The following PDHA2 variants were observed in gnomAD, a reference collection of about 807,000 sequenced individuals.
The protein encoded by PDHA2 is pyruvate dehydrogenase E1 component subunit alpha, testis-specific form, mitochondrial.
For synonymous variants in PDHA2, 188 were observed against 185.9 expected (o/e 1.01, Z -0.09); for missense variants, 533 against 495.8 (o/e 1.07, Z -0.71).
At position 95,841,144 on chromosome 4, in the gene PDHA2, G is replaced by A. The variant is rs375558920; in HGVS notation, c.994G>A (p.Glu332Lys). ...MVNSKLATVE[E>K]LKEIGAEVRK... is the part of the protein sequence containing the mutation. ...AAACAGCAAGCTCGCCACTGTGGAA[G>A]AATTAAAGGAAATTGGGGCTGAGGT... The change falls in exon 1 of 1, where the codon GAA (glutamate) becomes AAA (lysine). Residue 332 changes from glutamate (E) to lysine (K), a missense_variant. Transcript: ENST00000295266. 4 of 1,614,054 alleles carry A rather than the reference G, an allele frequency of 2.5e-6. No individual in the cohort carries two copies. The highest frequency in any genetic ancestry group is 1.7e-5 in the Admixed American group (1 of 60,006).
Position 95,840,396 on chromosome 4 carries a change from G to A in PDHA2, c.246G>A (p.Gln82=), listed in dbSNP as rs151091131. The A allele has an allele frequency of 1.2e-6, 2 of 1,613,582 alleles. No individual in the cohort carries two copies. The highest frequency in any genetic ancestry group is 8.5e-7 in the Non-Finnish European group (1 of 1,179,888). The change falls in exon 1 of 1, where the codon CAG becomes CAA. Residue 82 remains glutamine, a synonymous_variant. Transcript: ENST00000295266. ...TGAAGGCAGATCAGCTGTACAAACA[G>A]AAATTCATTCGCGGTTTCTGTCACC... is the stretch of plus-strand genomic sequence containing the variant. The part of the protein sequence containing the change: ...MELKADQLYK[Q]KFIRGFCHLC...
In PDHA2 at chr4:95,840,094, G is replaced by A; in HGVS notation, c.-57G>A. On this transcript the variant is annotated 5_prime_UTR_variant, in exon 1 of 1. Coordinates refer to ENST00000295266, the MANE Select transcript of PDHA2 (RefSeq NM_005390.5). ...GGAAGGAGACGCGGAGCCGAGGCCA[G>A]GCCTTCCGGCGGTCGTTACGGGACG... is the stretch of plus-strand genomic sequence containing the variant. The A allele has an allele frequency of 6.9e-7, 1 of 1,456,154 alleles. No homozygotes were observed. Among genetic ancestry groups the A allele is most frequent in the Non-Finnish European group, 9.3e-7 (1 of 1,075,048 alleles). 90.2% of individuals were successfully genotyped at this position (1,456,154 alleles called of 1,614,324 possible). A position where few individuals can be genotyped will look rare whatever the true frequency, so the allele number is the denominator to read the frequency against.
In PDHA2 at chr4:95,841,316, A is replaced by G. The variant is rs1723514612; in HGVS notation, c.1166A>G (p.Ter389=). 3 of 1,610,766 alleles carry G rather than the reference A, an allele frequency of 1.9e-6. No homozygotes were observed. Among genetic ancestry groups the G allele is most frequent in the African/African-American group, 2.7e-5 (2 of 74,972 alleles). The change falls in exon 1 of 1, where the codon TAA becomes TGA. Residue 389 remains the stop codon, a stop_retained_variant. Coordinates refer to ENST00000295266, the MANE Select transcript of PDHA2 (RefSeq NM_005390.5). ...NPWIKFKSVS[*] is the part of the protein sequence containing the mutation. ...TGGATCAAGTTTAAGTCCGTCAGTT[A>G]AAGGGAGGCTACGTGTGAATTTATC...
At position 95,840,212 on chromosome 4, in the gene PDHA2, T is replaced by C; in HGVS notation, c.62T>C (p.Val21Ala). ...RRVAQKSARR[V>A]LVASRNSSND... ...GTTGCCCAGAAATCAGCTCGCAGAG[T>C]GCTGGTGGCATCCCGTAACTCCTCA... The change falls in exon 1 of 1, where the codon GTG (valine) becomes GCG (alanine). Residue 21 changes from valine to alanine, a missense_variant. Physicochemically the swap from Val to Ala is moderately conservative, Grantham distance 64. Transcript: ENST00000295266. The C allele has an allele frequency of 1.9e-6, 3 of 1,614,074 alleles. No individual in the cohort carries two copies. The highest frequency in any genetic ancestry group is 2.5e-6 in the Non-Finnish European group (3 of 1,180,020).
rs1346482353 is a variant in PDHA2 at position 95,840,427 on chromosome 4, G to A, written c.277G>A (p.Asp93Asn). The part of the protein sequence containing the change: ...KFIRGFCHLC[D>N]GQEACCVGLE... ...CATTCGCGGTTTCTGTCACCTGTGCGATGGTCAGGAAGCTTGTTGCGTGGG... is the reference window on the plus strand; with the variant it reads ...CATTCGCGGTTTCTGTCACCTGTGCAATGGTCAGGAAGCTTGTTGCGTGGG... The change falls in exon 1 of 1, where the codon GAT becomes AAT. Residue 93 changes from aspartate to asparagine, a missense_variant. Asp to Asn is a conservative substitution (Grantham distance 23, BLOSUM62 1). Coordinates refer to ENST00000295266, the MANE Select transcript of PDHA2 (RefSeq NM_005390.5). 3 of 1,614,082 alleles carry A rather than the reference G, an allele frequency of 1.9e-6. No individual in the cohort carries two copies. Among genetic ancestry groups the A allele is most frequent in the South Asian group, 1.1e-5 (1 of 91,090 alleles).
chr4:95,840,978 G>A lies in PDHA2; in HGVS notation c.828G>A (p.Gly276=). The change falls in exon 1 of 1, where the codon GGG becomes GGA. Residue 276 remains glycine (G), a synonymous_variant. Coordinates refer to ENST00000295266, the MANE Select transcript of PDHA2 (RefSeq NM_005390.5). ...FAANYCRSGK[G]PILMELQTYR... is the part of the protein sequence containing the mutation. ...CTAACTACTGTAGATCTGGAAAGGG[G>A]CCCATACTGATGGAGCTGCAAACCT... 1.2e-6 allele frequency: 2 copies of A among 1,614,062 alleles called. No homozygotes were observed. The highest frequency in any genetic ancestry group is 8.5e-7 in the Non-Finnish European group (1 of 1,180,014).
At position 95,840,333 on chromosome 4, in the gene PDHA2, A is replaced by C. The variant is rs1320967424; in HGVS notation, c.183A>C (p.Lys61Asn). The C allele has an allele frequency of 6.2e-7, 1 of 1,614,242 alleles. No homozygotes were observed. The highest frequency in any genetic ancestry group is 1.3e-5 in the African/African-American group (1 of 75,072). Residue 61 changes from lysine to asparagine, a missense_variant, in exon 1 of 1, where the codon AAA becomes AAC. Coordinates refer to ENST00000295266, the MANE Select transcript of PDHA2 (RefSeq NM_005390.5). ...TGCTCACTAGGGCGGAGGGGCTTAA[A>C]TACTACAGGATGATGCTGACTGTTC... ...TTVLTRAEGL[K>N]YYRMMLTVRR... is the part of the protein sequence containing the mutation.
In PDHA2 at chr4:95,841,014, T is replaced by C. The variant is rs1179810535; in HGVS notation, c.864T>C (p.His288=). The part of the protein sequence containing the change: ...ILMELQTYRY[H]GHSMSDPGVS... ...TGGAGCTGCAAACCTACCGTTATCA[T>C]GGACACAGTATGAGTGATCCTGGAG... Residue 288 remains histidine (H), a synonymous_variant, in exon 1 of 1, where the codon CAT becomes CAC. Transcript: ENST00000295266. The C allele has an allele frequency of 6.2e-7, 1 of 1,614,134 alleles. No individual in the cohort carries two copies. Among genetic ancestry groups the C allele is most frequent in the South Asian group, 1.1e-5 (1 of 91,084 alleles).
At position 95,841,261 on chromosome 4, in the gene PDHA2, T is replaced by A. The variant is rs781633807; in HGVS notation, c.1111T>A (p.Ser371Thr). The part of the protein sequence containing the change: ...ELGHHIYSSD[S>T]SFEVRGANPW... ...AGGCCATCACATCTACAGCAGTGAT[T>A]CATCTTTTGAAGTTCGTGGTGCAAA... The change falls in exon 1 of 1, where the codon TCA becomes ACA. Residue 371 changes from serine to threonine, a missense_variant. Transcript: ENST00000295266. 18 of 1,614,034 alleles carry A rather than the reference T, an allele frequency of 1.1e-5. No homozygotes were observed. The highest frequency in any genetic ancestry group is 1.4e-5 in the Non-Finnish European group (17 of 1,180,026).
chr4:95,840,711 C>CTGTT lies in PDHA2; in HGVS notation c.564_567dup (p.Thr190PhefsTer33), dbSNP rs763765001. On this transcript the variant is annotated frameshift_variant, in exon 1 of 1. Coordinates refer to ENST00000295266, the MANE Select transcript of PDHA2 (RefSeq NM_005390.5). LOFTEE classifies it low-confidence loss of function (END_TRUNC). ...GTAAATATAAAGGAAACGATGAGAT[C>CTGTT]TGTTTGACTTTATATGGGGATGGCG... The CTGTT allele has an allele frequency of 1.2e-6, 2 of 1,614,166 alleles. No individual in the cohort carries two copies. Among genetic ancestry groups the CTGTT allele is most frequent in the Non-Finnish European group, 1.7e-6 (2 of 1,180,020 alleles).
rs748236659 is a variant in PDHA2, at chr4:95,840,565, A to G, written c.415A>G (p.Arg139Gly). Residue 139 changes from arginine to glycine, a missense_variant, in exon 1 of 1, where the codon AGA (arginine) becomes GGA (glycine). By Grantham distance (125) the Arg-to-Gly change is moderately radical. Transcript: ENST00000295266. ...ATCCATTCTCGCAGAGCTGACGGGA[A>G]GAAGAGGAGGTTGTGCTAAAGGAAA... ...VRSILAELTGRRGGCAKGKGG... is the reference protein window; with the variant it reads ...VRSILAELTGGRGGCAKGKGG... The G allele has an allele frequency of 1.7e-5, 28 of 1,614,166 alleles. No homozygotes were observed. The highest frequency in any genetic ancestry group is 2.2e-5 in the Non-Finnish European group (26 of 1,180,034).
chr4:95,840,658 C>G lies in PDHA2; in HGVS notation c.508C>G (p.Pro170Ala). The change falls in exon 1 of 1, where the codon CCC becomes GCC. Residue 170 changes from proline to alanine, a missense_variant. Pro to Ala is a conservative substitution (Grantham distance 27). Transcript: ENST00000295266. ...GGNGIVGAQGPLGAGIALACK... is the reference protein window; with the variant it reads ...GGNGIVGAQGALGAGIALACK... ...CAATGGCATCGTCGGTGCACAGGGC[C>G]CCCTGGGCGCTGGCATTGCTCTGGC... 1 of 1,614,168 alleles carries G rather than the reference C, an allele frequency of 6.2e-7. No homozygotes were observed. Among genetic ancestry groups the G allele is most frequent in the East Asian group, 2.2e-5 (1 of 44,876 alleles).
Position 95,840,113 on chromosome 4 carries a change from C to T in PDHA2, c.-38C>T, listed in dbSNP as rs778960030. 12 of 1,537,746 alleles carry T rather than the reference C, an allele frequency of 7.8e-6. No individual in the cohort carries two copies. The highest frequency in any genetic ancestry group is 1.3e-5 in the South Asian group (1 of 78,934). On this transcript the variant is annotated 5_prime_UTR_variant, in exon 1 of 1. The change creates a new upstream start codon in the 5' untranslated region. Coordinates refer to ENST00000295266, the MANE Select transcript of PDHA2 (RefSeq NM_005390.5). ...AGGCCAGGCCTTCCGGCGGTCGTTA[C>T]GGGACGCCGCTGCCATCTACAGCAC...
At position 95,840,142 on chromosome 4, in the gene PDHA2, G is replaced by A; in HGVS notation, c.-9G>A. 1.9e-6 allele frequency: 3 copies of A among 1,598,452 alleles called. No individual in the cohort carries two copies. The highest frequency in any genetic ancestry group is 2.6e-6 in the Non-Finnish European group (3 of 1,172,916). Reference sequence around the variant, plus strand: ...ACGCCGCTGCCATCTACAGCACTCCGTGAAGAATATGCTGGCCGCCTTCAT... The same window carrying A: ...ACGCCGCTGCCATCTACAGCACTCCATGAAGAATATGCTGGCCGCCTTCAT... On this transcript the variant is annotated 5_prime_UTR_variant, in exon 1 of 1. In the 5' UTR this introduces an upstream ATG that the reference lacks. Coordinates refer to ENST00000295266, the MANE Select transcript of PDHA2 (RefSeq NM_005390.5).
At position 95,841,107 on chromosome 4, in the gene PDHA2, A is replaced by G; in HGVS notation, c.957A>G (p.Gln319=). Residue 319 remains glutamine, a synonymous_variant, in exon 1 of 1, where the codon CAA becomes CAG. Transcript: ENST00000295266. The part of the protein sequence containing the change: ...RSKRDPIIIL[Q]DRMVNSKLAT... ...AGAGGGATCCTATAATAATTCTCCA[A>G]GATAGAATGGTAAACAGCAAGCTCG... 1 of 1,614,160 alleles carries G rather than the reference A, an allele frequency of 6.2e-7. No individual in the cohort carries two copies. The highest frequency in any genetic ancestry group is 1.6e-4 in the Middle Eastern group (1 of 6,062).
At position 95,840,839 on chromosome 4, in the gene PDHA2, C is replaced by G. The variant is rs750545407; in HGVS notation, c.689C>G (p.Ser230Cys). Residue 230 changes from serine (S) to cysteine (C), a missense_variant, in exon 1 of 1, where the codon TCT becomes TGT. Ser to Cys is a moderately radical substitution (Grantham distance 112). Coordinates refer to ENST00000295266, the MANE Select transcript of PDHA2 (RefSeq NM_005390.5). ...AATAACCTATATGGAATGGGAACAT[C>G]TACTGAGAGAGCAGCAGCCAGCCCT... ...CENNLYGMGT[S>C]TERAAASPDY... The G allele has an allele frequency of 6.2e-7, 1 of 1,613,998 alleles. No homozygotes were observed.
chr4:95,840,584 A>C lies in PDHA2; in HGVS notation c.434A>C (p.Lys145Thr). 1 of 1,614,184 alleles carries C rather than the reference A, an allele frequency of 6.2e-7. No homozygotes were observed. The change falls in exon 1 of 1, where the codon AAA (lysine) becomes ACA (threonine). Residue 145 changes from lysine (K) to threonine (T), a missense_variant. Physicochemically the swap from Lys to Thr is moderately conservative, Grantham distance 78. Transcript: ENST00000295266. ...ELTGRRGGCA[K>T]GKGGSMHMYT... The stretch of plus-strand genomic sequence containing the variant: ...ACGGGAAGAAGAGGAGGTTGTGCTA[A>C]AGGAAAAGGAGGATCGATGCATATG...
Position 95,840,671 on chromosome 4 carries a change from G to A in PDHA2, c.521G>A (p.Gly174Asp), listed in dbSNP as rs1416667621. 1 of 1,614,208 alleles carries A rather than the reference G, an allele frequency of 6.2e-7. No individual in the cohort carries two copies. Among genetic ancestry groups the A allele is most frequent in the South Asian group, 1.1e-5 (1 of 91,086 alleles). Residue 174 changes from glycine (G) to aspartate (D), a missense_variant, in exon 1 of 1, where the codon GGC becomes GAC. By Grantham distance (94) the Gly-to-Asp change is moderately conservative. Transcript: ENST00000295266. The stretch of plus-strand genomic sequence containing the variant: ...GGTGCACAGGGCCCCCTGGGCGCTG[G>A]CATTGCTCTGGCCTGTAAATATAAA... The part of the protein sequence containing the change: ...IVGAQGPLGA[G>D]IALACKYKGN...
Position 95,840,760 on chromosome 4 carries a change from G to A in PDHA2, c.610G>A (p.Glu204Lys). 6.2e-7 allele frequency: 1 copy of A among 1,614,164 alleles called. No homozygotes were observed. The highest frequency in any genetic ancestry group is 8.5e-7 in the Non-Finnish European group (1 of 1,180,018). Residue 204 changes from glutamate to lysine, a missense_variant, in exon 1 of 1, where the codon GAA (glutamate) becomes AAA (lysine). Glu to Lys is a moderately conservative substitution (Grantham distance 56). Coordinates refer to ENST00000295266, the MANE Select transcript of PDHA2 (RefSeq NM_005390.5). ...DGAANQGQIA[E>K]AFNMAALWKL... is the part of the protein sequence containing the mutation. ...CGCTGCGAATCAGGGGCAGATAGCCGAAGCTTTCAATATGGCAGCTTTATG... is the reference window on the plus strand; with the variant it reads ...CGCTGCGAATCAGGGGCAGATAGCCAAAGCTTTCAATATGGCAGCTTTATG...
Sources: gnomAD v4.1 joint callset for allele counts on GRCh38, gnomAD v4.1.1 for gene constraint, MANE v1.5 for transcripts, NCBI Gene and HGNC (gene_info 2026-07-23, HGNC 2026-07-21) for gene names.